ADAMDEC1: variants seen among roughly 807,000 people sequenced by gnomAD.
The protein encoded by ADAMDEC1 is ADAM like decysin 1.
ADAMDEC1 carries 62 observed loss-of-function variants against 60.4 expected under a neutral mutation model. That is an observed-to-expected ratio of 1.03 (90% CI 0.84 to 1.27). The LOEUF is 1.27. Among genes scored for constraint, ADAMDEC1 ranks in the 50% most tolerant of loss-of-function variants. The probability of loss-of-function intolerance (pLI) is 0.00; values close to 1 mark genes in which losing one functional copy is unlikely to be tolerated. For missense variants in ADAMDEC1, 595 were observed against 565.0 expected, an observed-to-expected ratio of 1.05 and a Z score of -0.54; for synonymous variants, 210 against 195.1, an observed-to-expected ratio of 1.08 and a Z score of -0.64.
At chr8:24,395,838 T>C in intron 5 of ADAMDEC1, 42 bp downstream of exon 5, 2 of 1,487,388 alleles carry the variant, frequency 1.3e-6, no homozygotes, top group Non-Finnish European at 1.9e-6. Context: ...AAGAAGCTTT[T>C]TGTTACACAG....
At chr8:24,392,687 G>C (rs1347971817) in intron 2 of ADAMDEC1, among the ~76,000 whole-genome samples, 2 of 152,080 alleles carry the variant, frequency 1.3e-5, no homozygotes, top group Non-Finnish European at 2.9e-5. Flanking sequence ...TGTTGTTCCT[G>C]GCAAGCCTCA....
intron 8 of ADAMDEC1, 60 bp downstream of exon 8, chr8:24,398,611 C>T: frequency 7.9e-7 from 1 of 1,261,390 alleles, no homozygotes; most frequent in Non-Finnish European, 1.1e-6. Flanking sequence ...CCTGGAACTT[C>T]CCTAAGATTT....
At position 24,400,157 on chromosome 8, in the gene ADAMDEC1, C is replaced by G. The variant is rs113981898; in HGVS notation, c.1012-13C>G. 3 of 1,532,660 alleles carry G rather than the reference C, an allele frequency of 2.0e-6. No homozygotes were observed. Among genetic ancestry groups the G allele is most frequent in the Non-Finnish European group, 2.6e-6 (3 of 1,141,584 alleles). The allele number at this position is 1,532,660 out of a possible 1,614,324, so 94.9% of individuals were successfully genotyped here. A position where few individuals can be genotyped will look rare whatever the true frequency, so the allele number is the denominator to read the frequency against. The stretch of plus-strand genomic sequence containing the variant: ...ATAAAAAAAGAATAAATAAATATAT[C>G]TACTTTTTCCAGGCTAAAAAAAAGA... On this transcript the variant is annotated splice_polypyrimidine_tract_variant and intron_variant, in intron 10 of 13. Transcript: ENST00000256412.
chr8:24,392,155 T>C (rs2291574), intron 1 of ADAMDEC1, 107 bp from the exon 2 acceptor site: 229,379 of 689,430 alleles, frequency 0.33, 42,397 homozygotes, highest in Non-Finnish European at 0.38. Flanking sequence ...CATAGGAATG[T>C]AGTCTTCACT....
At chr8:24,399,539 T>A (rs1817708472) in intron 10 of ADAMDEC1, 65 bp downstream of exon 10, 1 of 1,260,548 alleles carries the variant, frequency 7.9e-7, no homozygotes, top group Non-Finnish European at 1.2e-6. Flanking sequence ...GCATAACACC[T>A]TATATAGAAT....
At chr8:24,404,258 G>A (rs548116420) in intron 13 of ADAMDEC1, among the ~76,000 whole-genome samples, 170 bp downstream of exon 13, 19 of 152,238 alleles carry the variant, frequency 1.2e-4, no homozygotes, top group Middle Eastern at 3.4e-3. Flanking sequence ...CATGACTAAG[G>A]ATTGTAGACA....
intron 1 of ADAMDEC1, 29 bp from the exon 2 acceptor site, chr8:24,392,233 T>G (rs374519798): frequency 6.5e-6 from 10 of 1,527,494 alleles, no homozygotes; most frequent in Non-Finnish European, 8.9e-6. Context: ...TTTAAATCTT[T>G]TATGTGAATA....
chr8:24,401,143 C>A (rs889188716), intron 11 of ADAMDEC1, among the ~76,000 whole-genome samples: 12 of 151,986 alleles, frequency 7.9e-5, no homozygotes, highest in Non-Finnish European at 1.6e-4. Context: ...ATATCTTTTC[C>A]CAAGGGTTGT....
In ADAMDEC1 at chr8:24,392,314, TA is replaced by T. The variant is rs879360738; in HGVS notation, c.147del (p.Lys49AsnfsTer32). 1.2e-6 allele frequency: 2 copies of T among 1,611,676 alleles called. No homozygotes were observed. Among genetic ancestry groups the T allele is most frequent in the Non-Finnish European group, 1.7e-6 (2 of 1,178,840 alleles). On this transcript the variant is annotated frameshift_variant, in exon 2 of 14. Coordinates refer to ENST00000256412, the MANE Select transcript of ADAMDEC1 (RefSeq NM_014479.3). LOFTEE classifies it high-confidence loss of function. ...ELTLHEIVCP[K>X]KLHILHKREI... is the part of the protein sequence containing the mutation. The stretch of plus-strand genomic sequence containing the variant: ...TAACGCTCCATGAAATAGTTTGTCC[TA>T]AAAAACTTCACATTTTACACAAAAG...
At chr8:24,390,255 T>C in intron 1 of ADAMDEC1, 1 of 985,432 alleles carries the variant, frequency 1.0e-6, no homozygotes, top group Non-Finnish European at 1.3e-6. Context: ...ATGTAATACG[T>C]TTACATTATT....
In ADAMDEC1 at chr8:24,400,154, T is replaced by C. The variant is rs1239743479; in HGVS notation, c.1012-16T>C. ...TAAATAAAAAAAGAATAAATAAATATATCTACTTTTTCCAGGCTAAAAAAA... is the reference window on the plus strand; with the variant it reads ...TAAATAAAAAAAGAATAAATAAATACATCTACTTTTTCCAGGCTAAAAAAA... On this transcript the variant is annotated splice_polypyrimidine_tract_variant and intron_variant, in intron 10 of 13. Transcript: ENST00000256412. 3 of 1,524,822 alleles carry C rather than the reference T, an allele frequency of 2.0e-6. No homozygotes were observed. The highest frequency in any genetic ancestry group is 1.4e-5 in the African/African-American group (1 of 70,842). 94.5% of individuals were successfully genotyped at this position (1,524,822 alleles called of 1,614,324 possible). A position where few individuals can be genotyped will look rare whatever the true frequency, so the allele number is the denominator to read the frequency against.
intron 2 of ADAMDEC1, among the ~76,000 whole-genome samples, chr8:24,392,649 C>T (rs1034315725): frequency 2.6e-5 from 4 of 152,062 alleles, no homozygotes; most frequent in East Asian, 1.9e-4. Flanking sequence ...GAGAGAAGCC[C>T]GGGAAGGTCG....
At chr8:24,403,146 A>T (rs1817806374) in intron 12 of ADAMDEC1, among the ~76,000 whole-genome samples, 1 of 152,136 alleles carries the variant, frequency 6.6e-6, no homozygotes, top group Non-Finnish European at 1.5e-5. Context: ...GAATTATGTC[A>T]GTCAACTCTT....
At position 24,384,300 on chromosome 8, in the gene ADAMDEC1, A is replaced by G; in HGVS notation, c.-205A>G. 1 of 539,306 alleles carries G rather than the reference A, an allele frequency of 1.9e-6. No individual in the cohort carries two copies. The highest frequency in any genetic ancestry group is 3.3e-6 in the Non-Finnish European group (1 of 306,116). The allele number at this position is 539,306 out of a possible 1,614,324, so 33.4% of individuals were successfully genotyped here. A position where few individuals can be genotyped will look rare whatever the true frequency, so the allele number is the denominator to read the frequency against. ...AACAGTGTCCAGATGTGAGTCCTCA[A>G]TGAGCTATAACCACAGCCATAAATA... On this transcript the variant is annotated 5_prime_UTR_variant, in exon 1 of 14. The change abolishes an upstream ATG in the 5' untranslated region. Coordinates refer to ENST00000256412, the MANE Select transcript of ADAMDEC1 (RefSeq NM_014479.3).
At chr8:24,390,962 G>A (rs929902046) in intron 1 of ADAMDEC1, among the ~76,000 whole-genome samples, 1 of 152,114 alleles carries the variant, frequency 6.6e-6, no homozygotes, top group African/African-American at 2.4e-5. Flanking sequence ...TAGTGCTAAC[G>A]TTGGGACTAG....
intron 9 of ADAMDEC1, 144 bp downstream of exon 9, chr8:24,399,184 T>A (rs1817695767): frequency 1.9e-6 from 2 of 1,046,212 alleles, no homozygotes; most frequent in African/African-American, 3.2e-5. Context: ...ACCTGTGACA[T>A]TATTGGATCA....
At position 24,392,351 on chromosome 8, in the gene ADAMDEC1, A is replaced by AACAACC; in HGVS notation, c.180_185dup (p.Asn61_Gln62insHisAsn). 1 of 1,611,786 alleles carries AACAACC rather than the reference A, an allele frequency of 6.2e-7. No homozygotes were observed. Among genetic ancestry groups the AACAACC allele is most frequent in the Non-Finnish European group, 8.5e-7 (1 of 1,178,772 alleles). On this transcript the variant is annotated inframe_insertion, in exon 2 of 14. Coordinates refer to ENST00000256412, the MANE Select transcript of ADAMDEC1 (RefSeq NM_014479.3). The stretch of plus-strand genomic sequence containing the variant: ...CATTTTACACAAAAGAGAGATCAAG[A>AACAACC]ACAACCAGACAGAAAAGCATGGCAA...
rs1817775620 is a variant in ADAMDEC1, at chr8:24,401,928, A to G, written c.1156A>G (p.Lys386Glu). The change falls in exon 12 of 14, where the codon AAG becomes GAG. Residue 386 changes from lysine to glutamate, a missense_variant. Lys to Glu is a moderately conservative substitution (Grantham distance 56). Transcript: ENST00000256412. ...MNQYLSSKFP[K>E]DFSTSCRAHF... ...TTCTGATTACAGTTCAAAATTCCCA[A>G]AGGATTTCAGTACATCTTGCCGTGC... 6.2e-7 allele frequency: 1 copy of G among 1,609,040 alleles called. No homozygotes were observed. The highest frequency in any genetic ancestry group is 8.5e-7 in the Non-Finnish European group (1 of 1,178,780).
intron 13 of ADAMDEC1, 101 bp downstream of exon 13, chr8:24,404,189 G>A: frequency 1.0e-6 from 1 of 976,262 alleles, no homozygotes. Flanking sequence ...AAAACACAAT[G>A]TATTTTATAT....
Sources: allele counts gnomAD v4.1 joint callset (sites outside exome capture counted in the v4.1 genomes callset), GRCh38; gene constraint gnomAD v4.1.1; transcripts MANE v1.5; gene names NCBI Gene and HGNC (gene_info 2026-07-23, HGNC 2026-07-21).